Variants in FBXO36 observed in about 807,000 individuals in gnomAD.
The protein encoded by FBXO36 is F-box protein 36, also known as F-box only protein 36.
FBXO36 carries 18 observed loss-of-function variants against 17.0 expected under a neutral mutation model. That is an observed-to-expected ratio of 1.06 (90% CI 0.73 to 1.57). The LOEUF is 1.57. Among genes scored for constraint, FBXO36 ranks in the 40% most tolerant of loss-of-function variants. FBXO36 has a pLI of 0.00. For synonymous variants in FBXO36, 83 were observed against 85.3 expected, an observed-to-expected ratio of 0.97 and a Z score of 0.15; for missense variants, 229 against 221.9, an observed-to-expected ratio of 1.03 and a Z score of -0.20.
At chr2:229,998,926 C>T (rs990234134) in intron 3 of FBXO36, among the ~76,000 whole-genome samples, 46 of 151,162 alleles carry the variant, frequency 3.0e-4, no homozygotes, top group African/African-American at 1.1e-3. Flanking sequence ...CCTCAGCCTC[C>T]CGAGTAGCTG....
At chr2:229,988,030 C>T (rs1031675746) in intron 2 of FBXO36, among the ~76,000 whole-genome samples, 17 of 152,154 alleles carry the variant, frequency 1.1e-4, no homozygotes, top group African/African-American at 3.9e-4. Flanking sequence ...TCTTTATTCT[C>T]ATTCATTTTC....
intron 2 of FBXO36, among the ~76,000 whole-genome samples, chr2:229,985,087 T>G (rs1336990324): frequency 6.6e-6 from 1 of 152,194 alleles, no homozygotes; most frequent in Non-Finnish European, 1.5e-5. Flanking sequence ...TGCCACAGGA[T>G]GCAGCGCAAA....
chr2:229,976,435 C>A, intron 2 of FBXO36, 86 bp downstream of exon 2: 1 of 886,724 alleles, frequency 1.1e-6, no homozygotes, highest in Non-Finnish European at 1.8e-6. Flanking sequence ...AATATATTTT[C>A]ACTTGAAATA....
At position 230,007,903 on chromosome 2, in the gene FBXO36, A is replaced by G. The variant is rs554896998; in HGVS notation, c.379-2793A>G. Among the ~76,000 whole-genome samples, 4 of 152,084 alleles carry G rather than the reference A, an allele frequency of 2.6e-5. No homozygotes were observed. In the South Asian group the frequency reaches 8.3e-4, roughly 32 times the overall value. ...GCCACCACCCCTGGCTAATTTTTGT[A>G]TTTTTAGTAGAGACAGGGTTTCACC... On this transcript the variant is annotated intron_variant, in intron 3 of 3. Coordinates refer to ENST00000283946, the MANE Select transcript of FBXO36 (RefSeq NM_174899.5).
intron 3 of FBXO36, among the ~76,000 whole-genome samples, chr2:230,009,878 G>A (rs989173300): frequency 2.0e-5 from 3 of 151,874 alleles, no homozygotes; most frequent in South Asian, 2.1e-4. Flanking sequence ...CCCAGTAGGC[G>A]GAGGTTGCAG....
At chr2:229,960,665 T>G (rs1255773549) in intron 1 of FBXO36, among the ~76,000 whole-genome samples, 1 of 152,146 alleles carries the variant, frequency 6.6e-6, no homozygotes, top group African/African-American at 2.4e-5. Flanking sequence ...TAATTTTTAT[T>G]TTTACTTTTT....
At chr2:229,985,942 G>A (rs1490480784) in intron 2 of FBXO36, among the ~76,000 whole-genome samples, 1 of 152,084 alleles carries the variant, frequency 6.6e-6, no homozygotes, top group Admixed American at 6.6e-5. Context: ...CAGCTACTTG[G>A]GAGTCTGAGG....
intron 2 of FBXO36, among the ~76,000 whole-genome samples, chr2:229,991,165 A>T (rs1398424253): frequency 6.6e-6 from 1 of 152,094 alleles, no homozygotes; most frequent in Non-Finnish European, 1.5e-5. Flanking sequence ...AGAACTCATG[A>T]CCTTAAGTAA....
intron 1 of FBXO36, among the ~76,000 whole-genome samples, chr2:229,938,457 A>G (rs1285750639): frequency 7.2e-6 from 1 of 138,684 alleles, no homozygotes; most frequent in Non-Finnish European, 1.5e-5. Context: ...CCACCGCGCC[A>G]GACCGGATTG....
At chr2:229,965,123 C>A (rs374428664) in intron 1 of FBXO36, among the ~76,000 whole-genome samples, 3 of 148,722 alleles carry the variant, frequency 2.0e-5, no homozygotes, top group Non-Finnish European at 3.0e-5. Flanking sequence ...TTTTTTAATA[C>A]GCAGACCCTT....
At chr2:229,973,048 A>G (rs1431616056) in intron 1 of FBXO36, among the ~76,000 whole-genome samples, 1 of 151,636 alleles carries the variant, frequency 6.6e-6, no homozygotes, top group East Asian at 1.9e-4. Context: ...GGACAGAGCA[A>G]GACTCTGTCT....
chr2:229,975,650 A>AT, intron 1 of FBXO36, among the ~76,000 whole-genome samples: 1 of 151,528 alleles, frequency 6.6e-6, no homozygotes, highest in Non-Finnish European at 1.5e-5. Context: ...ATTTAAAAAA[A>AT]TTTTTTGTAG....
chr2:229,980,280 C>T (rs2077231434), intron 2 of FBXO36, among the ~76,000 whole-genome samples: 1 of 146,588 alleles, frequency 6.8e-6, no homozygotes, highest in Non-Finnish European at 1.6e-5. Context: ...AGGCTGGTCT[C>T]GAACTCCTGG....
At chr2:229,957,559 A>T (rs1441023625) in intron 1 of FBXO36, among the ~76,000 whole-genome samples, 1 of 152,216 alleles carries the variant, frequency 6.6e-6, no homozygotes, top group Non-Finnish European at 1.5e-5. Context: ...CCTGGGCGAT[A>T]GAGTGTGACT....
chr2:229,932,926 G>T, intron 1 of FBXO36: 1 of 301,438 alleles, frequency 3.3e-6, no homozygotes, highest in South Asian at 2.6e-5. Context: ...AATTAGCCGG[G>T]CGTGGTGATG....
chr2:229,956,028 G>C (rs142101019), intron 1 of FBXO36, among the ~76,000 whole-genome samples: 4 of 152,286 alleles, frequency 2.6e-5, no homozygotes, highest in African/African-American at 9.6e-5. Flanking sequence ...TTGTTGTAAA[G>C]ATTAAATGGG....
At chr2:229,975,073 C>T (rs1486278754) in intron 1 of FBXO36, among the ~76,000 whole-genome samples, 1 of 152,130 alleles carries the variant, frequency 6.6e-6, no homozygotes, top group Non-Finnish European at 1.5e-5. Context: ...TCTCATCAGG[C>T]CCATTAATTG....
At chr2:229,969,278 C>T (rs1194539358) in intron 1 of FBXO36, among the ~76,000 whole-genome samples, 1 of 151,110 alleles carries the variant, frequency 6.6e-6, no homozygotes, top group Non-Finnish European at 1.5e-5. Context: ...TGCAGTGGCA[C>T]AATCAACAGC....
chr2:229,962,905 G>GA (rs1385074438), intron 1 of FBXO36, among the ~76,000 whole-genome samples: 7 of 152,074 alleles, frequency 4.6e-5, no homozygotes, highest in Admixed American at 1.3e-4. Flanking sequence ...TCAAACTCCT[G>GA]ACCTCAGGTG....
Sources: allele counts gnomAD v4.1 joint callset (sites outside exome capture counted in the v4.1 genomes callset), GRCh38; gene constraint gnomAD v4.1.1; transcripts MANE v1.5; gene names NCBI Gene and HGNC (gene_info 2026-07-23, HGNC 2026-07-21).